The following ATRNL1 variants were observed in gnomAD, a reference collection of about 807,000 sequenced individuals.
ATRNL1 encodes the protein attractin like 1, also known as attractin-like protein 1.
In ATRNL1, 95 loss-of-function variants were observed where a neutral mutation model predicts 182.7. That is an observed-to-expected ratio of 0.52 (90% CI 0.44 to 0.62). The LOEUF is 0.62. Among genes scored for constraint, ATRNL1 ranks in the 20% least tolerant of loss-of-function variants. The probability of loss-of-function intolerance (pLI) is 0.00; values close to 1 mark genes in which losing one functional copy is unlikely to be tolerated. For synonymous variants in ATRNL1, 576 were observed against 568.3 expected, an observed-to-expected ratio of 1.01 and a Z score of -0.19; for missense variants, 1,471 against 1,679.5, an observed-to-expected ratio of 0.88 and a Z score of 2.17.
chr10:115,825,450 G>A (rs918921122), intron 27 of ATRNL1, among the ~76,000 whole-genome samples: 2 of 152,016 alleles, frequency 1.3e-5, no homozygotes, highest in African/African-American at 2.4e-5. Context: ...AGGACCTAGC[G>A]TATATAGACT....
intron 27 of ATRNL1, among the ~76,000 whole-genome samples, chr10:115,775,932 T>G (rs2134177400): frequency 7.6e-6 from 1 of 131,966 alleles, no homozygotes; most frequent in Non-Finnish European, 1.5e-5. Flanking sequence ...CACTCCAACC[T>G]GGGCAATGAG....
At chr10:115,759,978 C>T (rs1948695017) in intron 27 of ATRNL1, among the ~76,000 whole-genome samples, 1 of 151,164 alleles carries the variant, frequency 6.6e-6, no homozygotes, top group African/African-American at 2.4e-5. Context: ...AAGCGTGAGC[C>T]ACTGTACCCG....
chr10:115,525,317 G>A (rs1222601561), intron 25 of ATRNL1, among the ~76,000 whole-genome samples: 5 of 152,184 alleles, frequency 3.3e-5, no homozygotes, highest in African/African-American at 1.2e-4. Context: ...GTCCAATCTT[G>A]TTGATCTAAT....
intron 25 of ATRNL1, among the ~76,000 whole-genome samples, chr10:115,540,788 G>T (rs1852313974): frequency 6.6e-6 from 1 of 150,928 alleles, no homozygotes; most frequent in Non-Finnish European, 1.5e-5. Context: ...GAGGGAACAG[G>T]GCTCTAATGG....
At chr10:115,332,172 G>A (rs1469555629) in intron 18 of ATRNL1, among the ~76,000 whole-genome samples, 1 of 152,202 alleles carries the variant, frequency 6.6e-6, no homozygotes, top group African/African-American at 2.4e-5. Flanking sequence ...CCTCTTTTGA[G>A]TGTAGAATCC....
intron 27 of ATRNL1, among the ~76,000 whole-genome samples, chr10:115,789,500 A>G (rs1949475621): frequency 6.6e-6 from 1 of 152,188 alleles, no homozygotes; most frequent in Admixed American, 6.5e-5. Context: ...CTCCCAGGGC[A>G]CCGAGCACTA....
chr10:115,431,557 GT>G (rs1425436232), intron 21 of ATRNL1, among the ~76,000 whole-genome samples: 21 of 152,140 alleles, frequency 1.4e-4, no homozygotes, highest in African/African-American at 4.6e-4. Context: ...AAATGTTACA[GT>G]TTTTCCCTGT....
At chr10:115,159,955 TA>T in intron 5 of ATRNL1, 84 bp from the exon 6 acceptor site, 1 of 1,004,612 alleles carries the variant, frequency 1.0e-6, no homozygotes, top group Non-Finnish European at 1.4e-6. Context: ...ATTGAATTCT[TA>T]AATTCTCTTA....
At chr10:115,612,794 C>T (rs148452606) in intron 26 of ATRNL1, among the ~76,000 whole-genome samples, 261 of 152,290 alleles carry the variant, frequency 1.7e-3, no homozygotes, top group African/African-American at 5.9e-3. Flanking sequence ...CCCTCCCTTC[C>T]TAACCTACCA....
chr10:115,551,424 G>T (rs1237721114), intron 26 of ATRNL1, among the ~76,000 whole-genome samples: 2 of 151,348 alleles, frequency 1.3e-5, no homozygotes, highest in Non-Finnish European at 3.0e-5. Flanking sequence ...TAGTAGAGGG[G>T]AGCTAGATTA....
intron 26 of ATRNL1, among the ~76,000 whole-genome samples, chr10:115,660,559 T>C (rs2133902650): frequency 6.6e-6 from 1 of 152,012 alleles, no homozygotes; most frequent in East Asian, 1.9e-4. Context: ...TATGATTGTA[T>C]CATATTCTAA....
rs929227534 is a variant in ATRNL1, at chr10:115,275,277, A to G, written c.2101-6078A>G. ...TGGGCCCACTGTGAGAGGGACCTGA[A>G]CTCCACTGATCATCTGGCAGTCATA... On this transcript the variant is annotated intron_variant, in intron 13 of 28. Transcript: ENST00000355044. Among the ~76,000 whole-genome samples, 7 of 151,972 alleles carry G rather than the reference A, an allele frequency of 4.6e-5. No homozygotes were observed. The East Asian group carries it at 1.4e-3, about 29-fold the overall frequency.
chr10:115,583,226 C>T (rs374330520), intron 26 of ATRNL1, among the ~76,000 whole-genome samples: 1,950 of 142,380 alleles, frequency 0.014, 67 homozygotes, highest in African/African-American at 0.046. Flanking sequence ...CTTGGCGATG[C>T]GGGCTCTTTT....
At chr10:115,532,802 C>G (rs1352538687) in intron 25 of ATRNL1, among the ~76,000 whole-genome samples, 1 of 152,020 alleles carries the variant, frequency 6.6e-6, no homozygotes, top group Non-Finnish European at 1.5e-5. Flanking sequence ...TACATCCCAT[C>G]AATACCTAAT....
intron 21 of ATRNL1, among the ~76,000 whole-genome samples, chr10:115,452,318 T>G (rs931352745): frequency 2.0e-5 from 3 of 152,186 alleles, no homozygotes; most frequent in Non-Finnish European, 4.4e-5. Context: ...CCTTTATGAT[T>G]GAGATCTTAA....
intron 24 of ATRNL1, among the ~76,000 whole-genome samples, chr10:115,515,214 T>C (rs1592768664): frequency 6.6e-6 from 1 of 151,966 alleles, no homozygotes; most frequent in South Asian, 2.1e-4. Flanking sequence ...TCATAGACAC[T>C]GGTACCTTCC....
chr10:115,499,731 A>G (rs1849720524), intron 24 of ATRNL1, among the ~76,000 whole-genome samples: 2 of 152,168 alleles, frequency 1.3e-5, no homozygotes, highest in African/African-American at 4.8e-5. Flanking sequence ...AACCTCTCCA[A>G]AGGAGGCAAT....
intron 26 of ATRNL1, among the ~76,000 whole-genome samples, chr10:115,694,925 A>G (rs1565293707): frequency 8.6e-6 from 1 of 115,844 alleles, no homozygotes; most frequent in Non-Finnish European, 1.7e-5. Context: ...ACACACACAC[A>G]CACACATGCA....
intron 26 of ATRNL1, among the ~76,000 whole-genome samples, chr10:115,555,981 T>C (rs1853293323): frequency 6.6e-6 from 1 of 151,994 alleles, no homozygotes; most frequent in Non-Finnish European, 1.5e-5. Context: ...TGCTCAAAGC[T>C]TACAACTAGT....
Sources: gnomAD v4.1 joint callset for allele counts (sites outside exome capture counted in the v4.1 genomes callset) on GRCh38, gnomAD v4.1.1 for gene constraint, MANE v1.5 for transcripts, NCBI Gene and HGNC (gene_info 2026-07-23, HGNC 2026-07-21) for gene names.